Variants in DCDC2C observed in about 807,000 individuals in gnomAD.
DCDC2C encodes doublecortin domain containing 2C.
In DCDC2C, 44 loss-of-function variants were observed where a neutral mutation model predicts 45.0. The observed-to-expected ratio is 0.98, with a 90% CI of 0.77 to 1.26. DCDC2C has a LOEUF of 1.26. Among genes scored for constraint, DCDC2C ranks in the 50% most tolerant of loss-of-function variants. The pLI, the probability that DCDC2C is intolerant of heterozygous loss-of-function variation, is 0.00. For synonymous variants in DCDC2C, 187 were observed against 178.8 expected (o/e 1.05, Z -0.37); for missense variants, 447 against 468.9 (o/e 0.95, Z 0.43).
At position 3,750,098 on chromosome 2, in the gene DCDC2C, G is replaced by A. The variant is rs79689760; in HGVS notation, c.546-2665G>A. Among the ~76,000 whole-genome samples, 6 of 149,654 alleles carry A rather than the reference G, an allele frequency of 4.0e-5. No homozygotes were observed. In the East Asian group the frequency reaches 7.9e-4, roughly 20 times the overall value. On this transcript the variant is annotated intron_variant, in intron 4 of 10. Coordinates refer to ENST00000399143, the MANE Select transcript of DCDC2C (RefSeq NM_001287444.2). ...CGGCACCCAGAATCCCCGGATCCACGCTGGACACTGCACACACCTTCTCCC... is the reference window on the plus strand; with the variant it reads ...CGGCACCCAGAATCCCCGGATCCACACTGGACACTGCACACACCTTCTCCC...
Position 3,734,154 on chromosome 2 carries a change from G to C in DCDC2C, c.416+7075G>C, listed in dbSNP as rs1214159012. On this transcript the variant is annotated intron_variant, in intron 3 of 10. Coordinates refer to ENST00000399143, the MANE Select transcript of DCDC2C (RefSeq NM_001287444.2). This position sits in a 1 kb window ranked among gnomAD's most constrained non-coding sequence, Gnocchi z 4.2. ...ACCAACATCACGTACTGCCCCAAAG[G>C]CATGGCGGCTGTCAGCGTGGATGTT... 6.6e-6 allele frequency among the ~76,000 whole-genome samples: 1 copy of C among 152,208 alleles called. No individual in the cohort carries two copies. Among genetic ancestry groups the C allele is most frequent in the East Asian group, 1.9e-4 (1 of 5,192 alleles).
intron 6 of DCDC2C, among the ~76,000 whole-genome samples, chr2:3,766,104 G>A (rs1005862770): frequency 2.6e-5 from 4 of 152,070 alleles, no homozygotes; most frequent in African/African-American, 9.7e-5. Context: ...TGGAGGCTCC[G>A]CGTTTGTATC....
In DCDC2C at chr2:3,829,030, A is replaced by C. The variant is rs1475021618; in HGVS notation, c.1066-18124A>C. On this transcript the variant is annotated intron_variant, in intron 10 of 10. Coordinates refer to ENST00000399143, the MANE Select transcript of DCDC2C (RefSeq NM_001287444.2). ...CCAAAAAATACCAATTATTTTCACT[A>C]TCATTTTTCAGTCTGCTTTACTTTG... Among the ~76,000 whole-genome samples the C allele has an allele frequency of 3.9e-5, 6 of 152,308 alleles. No individual in the cohort carries two copies. In the East Asian group the frequency reaches 1.2e-3, roughly 29 times the overall value.
chr2:3,838,457 AGAGAGAGAGAGAGAGAG>A (rs1672135467), intron 10 of DCDC2C, among the ~76,000 whole-genome samples: 2 of 139,632 alleles, frequency 1.4e-5, no homozygotes, highest in South Asian at 4.3e-4. Flanking sequence ...CATGACAGAG[AGAGAGAGAGAGAGAGAG>A]AGAGAGAGAC....
chr2:3,736,423 C>T (rs1221152244), intron 3 of DCDC2C, among the ~76,000 whole-genome samples: 1 of 152,150 alleles, frequency 6.6e-6, no homozygotes, highest in Non-Finnish European at 1.5e-5. Context: ...GGATGCGTTG[C>T]CCCAGACCAG....
At chr2:3,839,127 A>G (rs1207556410) in intron 10 of DCDC2C, among the ~76,000 whole-genome samples, 1 of 152,200 alleles carries the variant, frequency 6.6e-6, no homozygotes, top group African/African-American at 2.4e-5. Context: ...GATTTTGTGA[A>G]TTCAAACTAC....
chr2:3,779,470 A>C (rs992199981), intron 9 of DCDC2C, among the ~76,000 whole-genome samples: 2 of 148,904 alleles, frequency 1.3e-5, no homozygotes, highest in African/African-American at 4.9e-5. Flanking sequence ...GAGATTATGC[A>C]ACTTATCGTC....
intron 10 of DCDC2C, among the ~76,000 whole-genome samples, chr2:3,813,422 T>G (rs1225206513): frequency 6.6e-6 from 1 of 152,082 alleles, no homozygotes; most frequent in South Asian, 2.1e-4. Flanking sequence ...ATCTGATAGG[T>G]CCACTTTATC....
chr2:3,821,443 T>C (rs1671685160), intron 10 of DCDC2C, among the ~76,000 whole-genome samples: 1 of 152,192 alleles, frequency 6.6e-6, no homozygotes, highest in Non-Finnish European at 1.5e-5. Context: ...AGTGGTGATG[T>C]CAGACATGTT....
chr2:3,710,227 C>CATGTGCAGG (rs1393522556), intron 2 of DCDC2C, among the ~76,000 whole-genome samples: 4 of 152,052 alleles, frequency 2.6e-5, no homozygotes, highest in Non-Finnish European at 4.4e-5. Context: ...TTCAGGAGTA[C>CATGTGCAGG]ATGTGCAGGA....
Position 3,771,927 on chromosome 2 carries a change from A to G in DCDC2C, c.954+2516A>G, listed in dbSNP as rs542652553. On this transcript the variant is annotated intron_variant, in intron 8 of 10. Coordinates refer to ENST00000399143, the MANE Select transcript of DCDC2C (RefSeq NM_001287444.2). The stretch of plus-strand genomic sequence containing the variant: ...CATTAGTGAAGGACGGTTTGGCCCT[A>G]ATATTATGCCTTCATGGTGCTGACT... Among the ~76,000 whole-genome samples, 15 of 152,318 alleles carry G rather than the reference A, an allele frequency of 9.8e-5. No homozygotes were observed. In the South Asian group the frequency reaches 2.7e-3, roughly 27 times the overall value.
intron 10 of DCDC2C, among the ~76,000 whole-genome samples, chr2:3,788,775 C>T (rs971855529): frequency 4.9e-5 from 7 of 142,578 alleles, no homozygotes; most frequent in Non-Finnish European, 9.0e-5. Flanking sequence ...TCCTTTCTTC[C>T]GTTTCCCTTT....
intron 10 of DCDC2C, among the ~76,000 whole-genome samples, chr2:3,813,061 ATATATAT>A (rs1335828882): frequency 0.06 from 1,724 of 28,672 alleles, 61 homozygotes; most frequent in Non-Finnish European, 0.074. Context: ...ATATATATAT[ATATATAT>A]TTTTTTTTTT....
intron 2 of DCDC2C, among the ~76,000 whole-genome samples, chr2:3,717,510 G>C (rs1011033927): frequency 3.4e-5 from 5 of 148,738 alleles, no homozygotes; most frequent in Admixed American, 6.7e-5. Flanking sequence ...CTCACCTGCT[G>C]TCATGTTGGC....
chr2:3,780,504 G>A (rs1286884102), intron 9 of DCDC2C, among the ~76,000 whole-genome samples: 2 of 152,156 alleles, frequency 1.3e-5, no homozygotes, highest in Non-Finnish European at 2.9e-5. Context: ...CTTTCTTAAT[G>A]TAAGCACTAT....
chr2:3,723,175 T>C (rs147627005), intron 2 of DCDC2C, among the ~76,000 whole-genome samples: 5 of 152,272 alleles, frequency 3.3e-5, no homozygotes, highest in Middle Eastern at 3.4e-3. Flanking sequence ...TGAATTCCTG[T>C]TAGGGGTCAC....
intron 10 of DCDC2C, among the ~76,000 whole-genome samples, chr2:3,809,363 A>G (rs1308482269): frequency 2.0e-5 from 3 of 152,226 alleles, no homozygotes; most frequent in Non-Finnish European, 2.9e-5. Context: ...ATAAAATACC[A>G]TGAACATGTT....
intron 10 of DCDC2C, among the ~76,000 whole-genome samples, chr2:3,804,087 C>T (rs548156866): frequency 5.9e-5 from 9 of 152,232 alleles, no homozygotes; most frequent in African/African-American, 1.9e-4. Context: ...TTCATTATCC[C>T]CTCAGTATGG....
At chr2:3,785,181 A>G (rs1040076129) in intron 10 of DCDC2C, 81 bp downstream of exon 10, 41 of 1,076,866 alleles carry the variant, frequency 3.8e-5, no homozygotes, top group Non-Finnish European at 4.8e-5. Flanking sequence ...CGGATCCCCA[A>G]ATCTTCTCAG....
Sources: gnomAD v4.1 joint callset for allele counts (sites outside exome capture counted in the v4.1 genomes callset) on GRCh38, gnomAD v4.1.1 for gene constraint, Gnocchi (gnomAD v3.1) non-coding constraint, MANE v1.5 for transcripts, NCBI Gene and HGNC (gene_info 2026-07-23, HGNC 2026-07-21) for gene names.